ADAMTS3: variants seen among roughly 807,000 people sequenced by gnomAD.
ADAMTS3 encodes the protein A disintegrin and metalloproteinase with thrombospondin motifs 3.
In ADAMTS3, 73 loss-of-function variants were observed where a neutral mutation model predicts 129.0. The observed-to-expected ratio is 0.57, with a 90% CI of 0.47 to 0.69. The LOEUF (loss-of-function observed/expected upper bound fraction) is 0.69. ADAMTS3 is among the 30% of genes least tolerant of loss of function. The probability of loss-of-function intolerance (pLI) is 0.00; values close to 1 mark genes in which losing one functional copy is unlikely to be tolerated. For synonymous variants in ADAMTS3, 477 were observed against 510.8 expected, an observed-to-expected ratio of 0.93 and a Z score of 0.89; for missense variants, 1,457 against 1,514.5, an observed-to-expected ratio of 0.96 and a Z score of 0.63.
chr4:72,544,105 G>A (rs778359417), intron 3 of ADAMTS3, among the ~76,000 whole-genome samples: 36 of 151,958 alleles, frequency 2.4e-4, no homozygotes, highest in Non-Finnish European at 4.9e-4. Context: ...ACCTATTTAG[G>A]ATGACAAAGC....
chr4:72,551,669 T>C (rs1397369212), intron 2 of ADAMTS3, among the ~76,000 whole-genome samples: 1 of 152,152 alleles, frequency 6.6e-6, no homozygotes, highest in Non-Finnish European at 1.5e-5. Context: ...GAATATATCA[T>C]CTCTAATACT....
intron 4 of ADAMTS3, among the ~76,000 whole-genome samples, chr4:72,406,183 T>G (rs1722046259): frequency 6.6e-6 from 1 of 152,054 alleles, no homozygotes; most frequent in South Asian, 2.1e-4. Context: ...TCAGGGTGGT[T>G]TGCTGTACTA....
chr4:72,560,243 A>T (rs1333190053), intron 2 of ADAMTS3, among the ~76,000 whole-genome samples: 1 of 151,796 alleles, frequency 6.6e-6, no homozygotes, highest in East Asian at 1.9e-4. Flanking sequence ...ACCTATAAAA[A>T]CCCTAAAAGA....
intron 4 of ADAMTS3, among the ~76,000 whole-genome samples, chr4:72,348,460 T>C (rs149105239): frequency 9.3e-4 from 142 of 152,144 alleles, no homozygotes; most frequent in Admixed American, 2.6e-3. Context: ...TATGATATAA[T>C]ACAAAGAAAA....
At chr4:72,506,846 G>A (rs553917494) in intron 3 of ADAMTS3, among the ~76,000 whole-genome samples, 1 of 152,132 alleles carries the variant, frequency 6.6e-6, no homozygotes, top group South Asian at 2.1e-4. Context: ...CCAGGATCTG[G>A]GATGTCCTTC....
At chr4:72,398,955 G>C (rs1721799289) in intron 4 of ADAMTS3, among the ~76,000 whole-genome samples, 1 of 152,116 alleles carries the variant, frequency 6.6e-6, no homozygotes, top group South Asian at 2.1e-4. Context: ...TACCTTTCTT[G>C]TAATTTTCAT....
chr4:72,305,842 G>T (rs903573850), intron 16 of ADAMTS3, 145 bp downstream of exon 16: 14 of 703,046 alleles, frequency 2.0e-5, no homozygotes, highest in Non-Finnish European at 3.2e-5. Flanking sequence ...GTATGCACAT[G>T]TACGTACATA....
rs76545577 is a variant in ADAMTS3 at position 72,417,931 on chromosome 4, T to TTAAAAAAAAAAAAAAAAAAAAAA, written c.505-2961_505-2960insTTTTTTTTTTTTTTTTTTTTTTA. ...CTGGGCGACAGAGGGAGACTCCATC[T>TTAAAAAAAAAAAAAAAAAAAAAA]CAAAAAAAAAAAAGTAAGTACTTTA... is the stretch of plus-strand genomic sequence containing the variant. On this transcript the variant is annotated intron_variant, in intron 3 of 21. Transcript: ENST00000286657. Among the ~76,000 whole-genome samples the TTAAAAAAAAAAAAAAAAAAAAAA allele has an allele frequency of 7.8e-4, 78 of 100,626 alleles. 10 individuals are homozygous for TTAAAAAAAAAAAAAAAAAAAAAA. Among genetic ancestry groups the TTAAAAAAAAAAAAAAAAAAAAAA allele is most frequent in the African/African-American group, 2.9e-3 (77 of 26,756 alleles). The allele number at this position is 100,626 out of a possible 152,430, so 66.0% of individuals were successfully genotyped here. A position where few individuals can be genotyped will look rare whatever the true frequency, so the allele number is the denominator to read the frequency against.
chr4:72,436,377 G>C (rs1203500809), intron 3 of ADAMTS3, among the ~76,000 whole-genome samples: 1 of 152,100 alleles, frequency 6.6e-6, no homozygotes, highest in Non-Finnish European at 1.5e-5. Flanking sequence ...AGAGGATGTG[G>C]AGAAATAGGA....
At chr4:72,515,679 G>T (rs1269355571) in intron 3 of ADAMTS3, among the ~76,000 whole-genome samples, 9 of 151,808 alleles carry the variant, frequency 5.9e-5, no homozygotes, top group Non-Finnish European at 1.2e-4. Context: ...TTTTTGATGG[G>T]GTTGTTTGTT....
At chr4:72,548,410 A>C in intron 3 of ADAMTS3, 68 bp downstream of exon 3, 1 of 1,501,146 alleles carries the variant, frequency 6.7e-7, no homozygotes, top group South Asian at 1.3e-5. Flanking sequence ...CACCTTCCAA[A>C]CTATGCAGAA....
At chr4:72,392,428 C>T (rs1265317686) in intron 4 of ADAMTS3, among the ~76,000 whole-genome samples, 5 of 152,184 alleles carry the variant, frequency 3.3e-5, no homozygotes, top group Non-Finnish European at 7.4e-5. Context: ...TAAAAAAAAT[C>T]CACCCCCTTA....
intron 4 of ADAMTS3, among the ~76,000 whole-genome samples, chr4:72,362,923 A>G (rs1322717589): frequency 6.6e-6 from 1 of 152,142 alleles, no homozygotes; most frequent in Admixed American, 6.6e-5. Context: ...TACACTAAAA[A>G]TAAGATTAAA....
At chr4:72,456,692 C>G (rs1718629978) in intron 3 of ADAMTS3, among the ~76,000 whole-genome samples, 1 of 151,472 alleles carries the variant, frequency 6.6e-6, no homozygotes, top group Non-Finnish European at 1.5e-5. Flanking sequence ...TGATCCCTAC[C>G]TTTCCCCTAA....
Position 72,414,944 on chromosome 4 carries a change from C to T in ADAMTS3, c.532G>A (p.Glu178Lys). 2.6e-6 allele frequency: 4 copies of T among 1,550,308 alleles called. No homozygotes were observed. The highest frequency in any genetic ancestry group is 4.2e-5 in the Admixed American group (2 of 47,916). The change falls in exon 4 of 22, where the codon GAG (glutamate) becomes AAG (lysine). Residue 178 changes from glutamate to lysine, a missense_variant. By Grantham distance (56) the Glu-to-Lys change is moderately conservative. Transcript: ENST00000286657. ...LAGMIKSDNE[E>K]YFIEPLERGK... ...CTTTCCAAGGGTTCAATGAAATACT[C>T]TTCATTATCACTTTTTATCATTCCA...
Position 72,531,864 on chromosome 4 carries a change from C to T in ADAMTS3, c.504+16614G>A, listed in dbSNP as rs114122413. Among the ~76,000 whole-genome samples, 342 of 152,178 alleles carry T rather than the reference C, an allele frequency of 2.2e-3. 2 individuals carry two copies. Among genetic ancestry groups the T allele is most frequent in the African/African-American group, 8.1e-3 (336 of 41,524 alleles). On this transcript the variant is annotated intron_variant, in intron 3 of 21. Transcript: ENST00000286657. Reference sequence around the variant, plus strand: ...TCTAAGTTCACACAGTTTCTGTATGCTGCCAGAACATAGCCTGGGGAGATG... The same window carrying T: ...TCTAAGTTCACACAGTTTCTGTATGTTGCCAGAACATAGCCTGGGGAGATG...
At chr4:72,495,545 GAC>G (rs778027166) in intron 3 of ADAMTS3, among the ~76,000 whole-genome samples, 17 of 152,154 alleles carry the variant, frequency 1.1e-4, no homozygotes, top group Non-Finnish European at 2.4e-4. Flanking sequence ...GAAAAAAAGA[GAC>G]ATTATTTGTC....
At chr4:72,505,187 G>A (rs62320593) in intron 3 of ADAMTS3, among the ~76,000 whole-genome samples, 38,431 of 151,960 alleles carry the variant, frequency 0.25, 5,059 homozygotes, top group Middle Eastern at 0.34. Context: ...GGAGATGCTG[G>A]CAATTCTAAT....
chr4:72,553,752 T>A (rs1721698138), intron 2 of ADAMTS3, among the ~76,000 whole-genome samples: 1 of 152,070 alleles, frequency 6.6e-6, no homozygotes, highest in African/African-American at 2.4e-5. Flanking sequence ...TCTCTTCCAC[T>A]CAGCCAGGGG....
Sources: gnomAD v4.1 joint callset for allele counts (sites outside exome capture counted in the v4.1 genomes callset) on GRCh38, gnomAD v4.1.1 for gene constraint, MANE v1.5 for transcripts, NCBI Gene and HGNC (gene_info 2026-07-23, HGNC 2026-07-21) for gene names.